The following IPO5 variants were observed in gnomAD, a reference collection of about 807,000 sequenced individuals.
IPO5 encodes importin-5.
IPO5 carries 18 observed loss-of-function variants against 143.3 expected under a neutral mutation model. The ratio of observed to expected loss-of-function variants is 0.13; its 90% CI spans 0.09 to 0.19. The LOEUF (loss-of-function observed/expected upper bound fraction) is 0.19, where lower values mean the gene tolerates loss of function less well. Among genes scored for constraint, IPO5 ranks in the 10% least tolerant of loss-of-function variants. IPO5 has a pLI of 1.00. For synonymous variants in IPO5, 477 were observed against 465.7 expected, an observed-to-expected ratio of 1.02 and a Z score of -0.31; for missense variants, 1,013 against 1,336.9, an observed-to-expected ratio of 0.76 and a Z score of 3.78.
intron 2 of IPO5, among the ~76,000 whole-genome samples, chr13:97,957,745 C>T (rs1331622314): frequency 1.3e-5 from 2 of 152,080 alleles, no homozygotes; most frequent in Non-Finnish European, 2.9e-5. Context: ...TCATTAGGGC[C>T]TACTTGTTCA....
chr13:97,970,546 G>A (rs570785625), intron 3 of IPO5, among the ~76,000 whole-genome samples: 3 of 152,214 alleles, frequency 2.0e-5, no homozygotes, highest in South Asian at 2.1e-4. Flanking sequence ...GCTTGAACCC[G>A]GGAGGCAGAG....
Position 97,998,626 on chromosome 13 carries a change from G to A in IPO5, c.1001+1008G>A, listed in dbSNP as rs9554436. On this transcript the variant is annotated intron_variant, in intron 12 of 28. Coordinates refer to ENST00000651721, the MANE Select transcript of IPO5 (RefSeq NM_002271.6). ...CAAAATCTGTATTCACTGTGCAGTA[G>A]TAATGATGGCCCCTTACATGTATGT... Among the ~76,000 whole-genome samples, 93 of 152,298 alleles carry A rather than the reference G, an allele frequency of 6.1e-4. No individual in the cohort carries two copies. The East Asian group carries it at 0.014, about 23-fold the overall frequency.
chr13:98,001,220 G>A (rs1165540715), intron 13 of IPO5, among the ~76,000 whole-genome samples: 1 of 152,152 alleles, frequency 6.6e-6, no homozygotes, highest in Non-Finnish European at 1.5e-5. Context: ...CTTTGTACCT[G>A]TAATATATAT....
Position 97,982,576 on chromosome 13 carries a change from C to T in IPO5, c.164C>T (p.Ala55Val). ...CAAGCCATCAGAAATACAACAGCTG[C>T]TGAAGAGGTACTACCTTAATATTTG... ...LLQAIRNTTA[A>V]EEARQMAAVL... Residue 55 changes from alanine (A) to valine (V), a missense_variant, in exon 5 of 29, where the codon GCT (alanine) becomes GTT (valine). Physicochemically the swap from Ala to Val is moderately conservative, Grantham distance 64. Around this residue, in one of 2 missense-constraint regions of IPO5, gnomAD observed 328 missense variants for 342.0 expected, o/e 0.96. Transcript: ENST00000651721. 5 of 1,588,078 alleles carry T rather than the reference C, an allele frequency of 3.1e-6. No individual in the cohort carries two copies. Among genetic ancestry groups the T allele is most frequent in the Non-Finnish European group, 4.3e-6 (5 of 1,156,518 alleles).
At chr13:97,976,587 G>T (rs1055399886) in intron 3 of IPO5, 106 bp from the exon 4 acceptor site, 20 of 201,410 alleles carry the variant, frequency 9.9e-5, no homozygotes, top group Non-Finnish European at 1.7e-4. Flanking sequence ...GCCCCGCGCC[G>T]CCGCTGGTGC....
chr13:97,995,085 A>G (rs1007727725), intron 11 of IPO5, among the ~76,000 whole-genome samples: 1 of 149,822 alleles, frequency 6.7e-6, no homozygotes, highest in African/African-American at 2.5e-5. Context: ...AGATTGCACC[A>G]TTGCACTCCG....
chr13:98,001,042 G>T (rs1888726478), intron 13 of IPO5: 2 of 201,860 alleles, frequency 9.9e-6, no homozygotes, highest in Non-Finnish European at 2.0e-5. Context: ...TGCCCTGGAG[G>T]GCAGCTGTTG....
At chr13:97,993,984 G>A (rs1888016728) in intron 11 of IPO5, among the ~76,000 whole-genome samples, 2 of 152,180 alleles carry the variant, frequency 1.3e-5, no homozygotes, top group Admixed American at 1.3e-4. Flanking sequence ...CCCAGCTGAT[G>A]CATTAAGAGA....
chr13:97,988,865 C>CTT (rs35403275), intron 6 of IPO5, among the ~76,000 whole-genome samples, 197 bp from the exon 7 acceptor site: 1 of 141,816 alleles, frequency 7.1e-6, no homozygotes, highest in Non-Finnish European at 1.6e-5. Flanking sequence ...TTTGTTTGGT[C>CTT]TTTTTTTTTT....
intron 7 of IPO5, 127 bp from the exon 8 acceptor site, chr13:97,989,999 A>G (rs900370105): frequency 6.4e-6 from 4 of 624,526 alleles, no homozygotes; most frequent in Non-Finnish European, 1.1e-5. Flanking sequence ...TGGGTAGATG[A>G]TGTTCAACCT....
Position 97,999,864 on chromosome 13 carries a change from A to C in IPO5, c.1002-675A>C, listed in dbSNP as rs145232650. Among the ~76,000 whole-genome samples, 928 of 152,336 alleles carry C rather than the reference A, an allele frequency of 6.1e-3. 11 individuals are homozygous for C. Among genetic ancestry groups the C allele is most frequent in the African/African-American group, 0.021 (877 of 41,568 alleles). On this transcript the variant is annotated intron_variant, in intron 12 of 28. Coordinates refer to ENST00000651721, the MANE Select transcript of IPO5 (RefSeq NM_002271.6). ...ATGTTCTGTTCATTGATAGGTTTGA[A>C]GACTGTATTTCTAGGAAATGAAATA...
At chr13:98,009,743 C>G (rs1162337729) in intron 18 of IPO5, 138 bp from the exon 19 acceptor site, 5 of 681,130 alleles carry the variant, frequency 7.3e-6, no homozygotes, top group Non-Finnish European at 1.2e-5. Context: ...AGTACATAAC[C>G]TTTAGAAATG....
intron 5 of IPO5, among the ~76,000 whole-genome samples, chr13:97,983,215 CAATT>C (rs1887004126): frequency 6.6e-6 from 1 of 152,186 alleles, no homozygotes; most frequent in South Asian, 2.1e-4. Flanking sequence ...TTCCTTGAAA[CAATT>C]TATTCTAAAG....
Position 98,023,179 on chromosome 13 carries a change from A to G in IPO5, c.*1357A>G, listed in dbSNP as rs1890592570. The G allele has an allele frequency of 6.6e-6, 1 of 152,564 alleles. No individual in the cohort carries two copies. The highest frequency in any genetic ancestry group is 1.5e-5 in the Non-Finnish European group (1 of 68,048). 9.5% of individuals were successfully genotyped at this position (152,564 alleles called of 1,614,324 possible). A position where few individuals can be genotyped will look rare whatever the true frequency, so the allele number is the denominator to read the frequency against. On this transcript the variant is annotated 3_prime_UTR_variant, in exon 29 of 29. Coordinates refer to ENST00000651721, the MANE Select transcript of IPO5 (RefSeq NM_002271.6). ...TTGTTAGCAGATGCCCTTCAAATAT[A>G]TTTTACGTTTGCAGCACAACACCAT...
In IPO5 at chr13:98,020,976, T is replaced by C. The variant is rs766191978; in HGVS notation, c.3066-16T>C. 1 of 1,595,724 alleles carries C rather than the reference T, an allele frequency of 6.3e-7. No homozygotes were observed. The highest frequency in any genetic ancestry group is 8.5e-7 in the Non-Finnish European group (1 of 1,169,746). ...TTATAAATTTCACTTACTAAGGTTTTCTTCTCATTTGTCAGTAATCATCCA... is the reference window on the plus strand; with the variant it reads ...TTATAAATTTCACTTACTAAGGTTTCCTTCTCATTTGTCAGTAATCATCCA... On this transcript the variant is annotated splice_polypyrimidine_tract_variant and intron_variant, in intron 27 of 28. Transcript: ENST00000651721.
intron 2 of IPO5, among the ~76,000 whole-genome samples, chr13:97,956,120 A>G (rs960055717): frequency 6.8e-6 from 1 of 147,926 alleles, no homozygotes; most frequent in Admixed American, 6.8e-5. Flanking sequence ...CGACAGTGCG[A>G]GACTCCGTGT....
rs115998476 is a variant in IPO5, at chr13:97,976,127, A to G, written c.-4-566A>G. On this transcript the variant is annotated intron_variant, in intron 3 of 28. Coordinates refer to ENST00000651721, the MANE Select transcript of IPO5 (RefSeq NM_002271.6). ...CGGGGAGGGGCCGGGGGTCGCTAGA[A>G]GGAGGCCGACCAGCCCGCGGCGCCG... The G allele has an allele frequency of 5.6e-3, 1,209 of 216,076 alleles. 20 individuals are homozygous for G. Among genetic ancestry groups the G allele is most frequent in the African/African-American group, 0.027 (1,134 of 42,600 alleles). 13.4% of individuals were successfully genotyped at this position (216,076 alleles called of 1,614,324 possible).
chr13:98,018,709 G>C lies in IPO5; in HGVS notation c.2836+5G>C. On this transcript the variant is annotated splice_donor_5th_base_variant and intron_variant, in intron 26 of 28. Coordinates refer to ENST00000651721, the MANE Select transcript of IPO5 (RefSeq NM_002271.6). Reference sequence around the variant, plus strand: ...ATTATCGCCCTTTTTGTACAGGTACGTTTGCTTATTCCGTTACGTGCATTT... The same window carrying C: ...ATTATCGCCCTTTTTGTACAGGTACCTTTGCTTATTCCGTTACGTGCATTT... 1 of 1,608,422 alleles carries C rather than the reference G, an allele frequency of 6.2e-7. No individual in the cohort carries two copies. The highest frequency in any genetic ancestry group is 8.5e-7 in the Non-Finnish European group (1 of 1,174,974).
chr13:97,954,117 A>C lies in IPO5; in HGVS notation c.-192-2A>C. The C allele has an allele frequency of 3.6e-6, 1 of 275,126 alleles. No homozygotes were observed. The highest frequency in any genetic ancestry group is 7.3e-6 in the Non-Finnish European group (1 of 137,348). The allele number at this position is 275,126 out of a possible 1,614,324, so 17.0% of individuals were successfully genotyped here. ...TCAGAAATCAGTTTTTATTTCACTT[A>C]GGTGGTTCCGGGGAGAAGCCTTTCC... On this transcript the variant is annotated splice_acceptor_variant, in intron 1 of 28. Transcript: ENST00000651721. LOFTEE classifies it low-confidence loss of function (5UTR_SPLICE).
Sources: gnomAD v4.1 joint callset for allele counts (sites outside exome capture counted in the v4.1 genomes callset) on GRCh38, gnomAD v4.1.1 for gene constraint, gnomAD v4.1.1 regional missense constraint, MANE v1.5 for transcripts, NCBI Gene and HGNC (gene_info 2026-07-23, HGNC 2026-07-21) for gene names.